The following CSMD3 variants were observed in gnomAD, a reference collection of about 807,000 sequenced individuals.
The protein encoded by CSMD3 is CUB and sushi domain-containing protein 3.
In CSMD3, 177 loss-of-function variants were observed where a neutral mutation model predicts 435.2. That is an observed-to-expected ratio of 0.41 (90% CI 0.36 to 0.46). The LOEUF (loss-of-function observed/expected upper bound fraction) is 0.46, where lower values mean the gene tolerates loss of function less well. Ranked by LOEUF, CSMD3 falls within the 20% of genes least tolerant of loss-of-function variation. CSMD3 has a pLI of 0.34. For missense variants in CSMD3, 4,265 were observed against 4,504.6 expected (o/e 0.95, Z 1.52); for synonymous variants, 1,656 against 1,520.5 (o/e 1.09, Z -2.07).
chr8:112,803,220 C>G (rs1347448235), intron 12 of CSMD3, among the ~76,000 whole-genome samples: 1 of 152,146 alleles, frequency 6.6e-6, no homozygotes. Flanking sequence ...TTTCTGCTAT[C>G]TCTGCTCTTT....
chr8:113,090,038 T>C (rs2089949504), intron 5 of CSMD3, among the ~76,000 whole-genome samples: 1 of 152,098 alleles, frequency 6.6e-6, no homozygotes, highest in African/African-American at 2.4e-5. Context: ...GAGAAAGTCA[T>C]TGTAGAAGGG....
intron 3 of CSMD3, among the ~76,000 whole-genome samples, chr8:113,225,033 A>G (rs2093010928): frequency 6.6e-6 from 1 of 151,300 alleles, no homozygotes; most frequent in African/African-American, 2.4e-5. Context: ...TATGAATCTG[A>G]TCATTTTGAG....
At chr8:113,327,984 C>A (rs1481500266) in intron 1 of CSMD3, among the ~76,000 whole-genome samples, 1 of 152,060 alleles carries the variant, frequency 6.6e-6, no homozygotes, top group East Asian at 1.9e-4. Context: ...CTCTCACTTA[C>A]GGATGACCTG....
At chr8:112,519,009 G>A (rs1426734026) in intron 27 of CSMD3, among the ~76,000 whole-genome samples, 1 of 152,012 alleles carries the variant, frequency 6.6e-6, no homozygotes, top group Non-Finnish European at 1.5e-5. Context: ...GGAGAAGTCC[G>A]CTCCTGTGAT....
intron 10 of CSMD3, among the ~76,000 whole-genome samples, chr8:112,862,905 T>C (rs1318768669): frequency 6.6e-6 from 1 of 152,230 alleles, no homozygotes; most frequent in African/African-American, 2.4e-5. Context: ...AAAATAATAG[T>C]ATCAATCATT....
intron 68 of CSMD3, 108 bp downstream of exon 68, chr8:112,234,257 T>C (rs1813362365): frequency 2.9e-6 from 2 of 689,966 alleles, no homozygotes; most frequent in African/African-American, 3.6e-5. Context: ...AATATATATG[T>C]ATGTGTATGT....
chr8:112,649,662 A>G (rs1006098352), intron 19 of CSMD3, among the ~76,000 whole-genome samples: 3 of 152,180 alleles, frequency 2.0e-5, no homozygotes. Context: ...AGTAAGGAAC[A>G]CTAGTATGCT....
At chr8:112,758,279 G>A (rs1808064697) in intron 13 of CSMD3, among the ~76,000 whole-genome samples, 2 of 151,612 alleles carry the variant, frequency 1.3e-5, no homozygotes, top group Middle Eastern at 6.8e-3. Context: ...CTTGAACTGG[G>A]AGGTGGAGGC....
At chr8:113,059,612 T>C (rs947750945) in intron 5 of CSMD3, among the ~76,000 whole-genome samples, 1 of 152,200 alleles carries the variant, frequency 6.6e-6, no homozygotes, top group South Asian at 2.1e-4. Flanking sequence ...ATTTGAAAAG[T>C]GGCTTAAATG....
intron 22 of CSMD3, among the ~76,000 whole-genome samples, chr8:112,600,914 C>A (rs996847869): frequency 6.6e-6 from 1 of 151,974 alleles, no homozygotes; most frequent in African/African-American, 2.4e-5. Flanking sequence ...CGTGATCCAT[C>A]CTCCTTGGCC....
At chr8:113,334,977 C>T (rs1233585959) in intron 1 of CSMD3, among the ~76,000 whole-genome samples, 1 of 151,944 alleles carries the variant, frequency 6.6e-6, no homozygotes, top group African/African-American at 2.4e-5. Context: ...AAATTATATC[C>T]CCAATGTTGG....
chr8:113,254,174 G>A (rs553053038), intron 3 of CSMD3, among the ~76,000 whole-genome samples: 2 of 80,538 alleles, frequency 2.5e-5, no homozygotes, highest in South Asian at 8.4e-4. Context: ...TGATACAGAA[G>A]CAAAAAAGAA....
At chr8:113,269,611 A>G (rs547706247) in intron 3 of CSMD3, among the ~76,000 whole-genome samples, 5 of 151,932 alleles carry the variant, frequency 3.3e-5, no homozygotes, top group African/African-American at 7.2e-5. Context: ...CCAAAACAGA[A>G]ATATAGACCA....
At chr8:112,364,436 C>A (rs1454819886) in intron 38 of CSMD3, among the ~76,000 whole-genome samples, 1 of 151,960 alleles carries the variant, frequency 6.6e-6, no homozygotes, top group Non-Finnish European at 1.5e-5. Flanking sequence ...CTTGAAACTA[C>A]CATTACTTCA....
In CSMD3 at chr8:112,458,749, T is replaced by C. The variant is rs571406657; in HGVS notation, c.5395+13842A>G. 1.8e-4 allele frequency among the ~76,000 whole-genome samples: 27 copies of C among 152,204 alleles called. 1 individual carries two copies. The South Asian group carries it at 5.6e-3, about 32-fold the overall frequency. ...GTGAACCTGTCTCCTGAAGTGTGAA[T>C]ACTTTCTGAGGTAGCTGACAACACT... On this transcript the variant is annotated intron_variant, in intron 32 of 70. Transcript: ENST00000297405.
chr8:113,304,907 AG>A (rs1343324120), intron 2 of CSMD3, among the ~76,000 whole-genome samples: 2 of 71,362 alleles, frequency 2.8e-5, no homozygotes, highest in East Asian at 5.4e-4. Context: ...TAAAACTTAA[AG>A]TATAATAAAA....
intron 4 of CSMD3, among the ~76,000 whole-genome samples, chr8:113,154,661 GA>G (rs2091897465): frequency 2.0e-5 from 3 of 152,144 alleles, no homozygotes; most frequent in Non-Finnish European, 4.4e-5. Context: ...GCTGCAGAAT[GA>G]AAAGATGCAT....
At chr8:113,346,035 T>C (rs1448119333) in intron 1 of CSMD3, among the ~76,000 whole-genome samples, 1 of 152,090 alleles carries the variant, frequency 6.6e-6, no homozygotes, top group Non-Finnish European at 1.5e-5. Flanking sequence ...AAGTCTCACA[T>C]AATTTAGATC....
intron 3 of CSMD3, among the ~76,000 whole-genome samples, chr8:113,265,764 AT>A (rs1322471295): frequency 6.6e-6 from 1 of 151,600 alleles, no homozygotes; most frequent in Admixed American, 6.6e-5. Context: ...AGGTAGAGAG[AT>A]ACTCATGATT....
Sources: gnomAD v4.1 joint callset for allele counts (sites outside exome capture counted in the v4.1 genomes callset) on GRCh38, gnomAD v4.1.1 for gene constraint, MANE v1.5 for transcripts, NCBI Gene and HGNC (gene_info 2026-07-23, HGNC 2026-07-21) for gene names.